The following FRAS1 variants were observed in gnomAD, a reference collection of about 807,000 sequenced individuals.
The protein encoded by FRAS1 is Fraser extracellular matrix complex subunit 1.
In FRAS1, 290 loss-of-function variants were observed where a neutral mutation model predicts 435.2. That is an observed-to-expected ratio of 0.67 (90% CI 0.61 to 0.73). The LOEUF is 0.73. Among genes scored for constraint, FRAS1 ranks in the 30% least tolerant of loss-of-function variants. The pLI is 0.00. For missense variants in FRAS1, 4,860 were observed against 5,001.5 expected (o/e 0.97, Z 0.85); for synonymous variants, 1,800 against 1,851.0 (o/e 0.97, Z 0.71).
At chr4:78,479,046 T>C (rs534745163) in intron 55 of FRAS1, among the ~76,000 whole-genome samples, 2 of 152,382 alleles carry the variant, frequency 1.3e-5, no homozygotes, top group East Asian at 3.9e-4. Flanking sequence ...ACTTTCCTAC[T>C]TAAAGTACCA....
intron 2 of FRAS1, among the ~76,000 whole-genome samples, chr4:78,125,246 AC>A (rs1252711371): frequency 6.6e-6 from 1 of 152,134 alleles, no homozygotes; most frequent in Non-Finnish European, 1.5e-5. Context: ...TTGGTTATTT[AC>A]CCAGTAGTCA....
At chr4:78,307,406 C>G (rs1728803299) in intron 14 of FRAS1, among the ~76,000 whole-genome samples, 1 of 152,356 alleles carries the variant, frequency 6.6e-6, no homozygotes, top group East Asian at 1.9e-4. Flanking sequence ...TTGGAGCTTC[C>G]TGGCTGCTTT....
chr4:78,120,948 A>G (rs1718981440), intron 2 of FRAS1, among the ~76,000 whole-genome samples: 1 of 152,196 alleles, frequency 6.6e-6, no homozygotes, highest in Non-Finnish European at 1.5e-5. Context: ...TGGGAAATTG[A>G]AATGTAGCTT....
intron 22 of FRAS1, among the ~76,000 whole-genome samples, chr4:78,367,294 A>T (rs1226739426): frequency 6.6e-6 from 1 of 152,018 alleles, no homozygotes; most frequent in Admixed American, 6.6e-5. Context: ...GGACCCAGCT[A>T]TATGGGAATC....
chr4:78,177,319 C>T (rs535288790), intron 2 of FRAS1, among the ~76,000 whole-genome samples: 2 of 152,222 alleles, frequency 1.3e-5, no homozygotes, highest in African/African-American at 4.8e-5. Context: ...AATGGTAGTA[C>T]ATAGGTATTC....
chr4:78,128,960 A>G (rs1263354477), intron 2 of FRAS1, among the ~76,000 whole-genome samples: 17 of 152,230 alleles, frequency 1.1e-4, no homozygotes, highest in Admixed American at 6.5e-4. Context: ...TCCAGTTTCA[A>G]CTTTCTCCAT....
At chr4:78,425,594 G>A (rs1419605072) in intron 35 of FRAS1, among the ~76,000 whole-genome samples, 1 of 152,106 alleles carries the variant, frequency 6.6e-6, no homozygotes, top group Non-Finnish European at 1.5e-5. Context: ...CTTCTATGAG[G>A]ATTAAAAATC....
rs750000203 is a variant in FRAS1 at position 78,445,640 on chromosome 4, T to C, written c.5784T>C (p.His1928=). The C allele has an allele frequency of 2.5e-6, 4 of 1,613,870 alleles. No individual in the cohort carries two copies. Among genetic ancestry groups the C allele is most frequent in the South Asian group, 2.2e-5 (2 of 91,054 alleles). ...TTCATGAAAGCATTGAGCCAACCCA[T>C]GATATTTTTAGTTTTTATGTGAGTG... ...QSVHESIEPT[H]DIFSFYVSDG... is the part of the protein sequence containing the mutation. Residue 1928 remains histidine (H), a synonymous_variant, in exon 42 of 74, where the codon CAT becomes CAC. Coordinates refer to ENST00000512123, the MANE Select transcript of FRAS1 (RefSeq NM_025074.7).
At chr4:78,193,221 G>T (rs984415609) in intron 2 of FRAS1, among the ~76,000 whole-genome samples, 14 of 152,160 alleles carry the variant, frequency 9.2e-5, no homozygotes, top group African/African-American at 3.1e-4. Context: ...AATAGGTGTG[G>T]TGTGGTGCTG....
intron 2 of FRAS1, among the ~76,000 whole-genome samples, chr4:78,127,738 A>T (rs977428726): frequency 1.3e-5 from 2 of 151,890 alleles, no homozygotes; most frequent in African/African-American, 4.8e-5. Context: ...TTTTTTATTT[A>T]TTTATTTTTT....
chr4:78,498,288 C>T (rs1000399525), intron 60 of FRAS1, among the ~76,000 whole-genome samples: 1 of 151,998 alleles, frequency 6.6e-6, no homozygotes, highest in Non-Finnish European at 1.5e-5. Flanking sequence ...GGCAGGATCA[C>T]CTAAGGTTGG....
At chr4:78,337,628 C>T in intron 19 of FRAS1, 46 bp from the exon 20 acceptor site, 1 of 1,590,014 alleles carries the variant, frequency 6.3e-7, no homozygotes, top group Non-Finnish European at 8.6e-7. Context: ...CACGCATATA[C>T]ATGCTGAGCT....
Position 78,436,730 on chromosome 4 carries a change from C to CT in FRAS1, c.5218-1833dup, listed in dbSNP as rs11397192. 8.3e-3 allele frequency among the ~76,000 whole-genome samples: 1,264 copies of CT among 151,882 alleles called. 4 individuals carry two copies. The highest frequency in any genetic ancestry group is 0.031 in the Middle Eastern group (9 of 292). ...AAAGAGTAAAGTCAACTTCATATTT[C>CT]TTTTTTTCATATTTCTAAGTTAAAA... On this transcript the variant is annotated intron_variant, in intron 38 of 73. Transcript: ENST00000512123.
intron 11 of FRAS1, 115 bp from the exon 12 acceptor site, chr4:78,282,705 T>C (rs563094975): frequency 1.1e-5 from 12 of 1,111,948 alleles, no homozygotes; most frequent in South Asian, 6.8e-5. Flanking sequence ...TTTGGCAGAG[T>C]ACTGATTAGC....
At chr4:78,193,800 T>C (rs1722665119) in intron 2 of FRAS1, among the ~76,000 whole-genome samples, 2 of 152,214 alleles carry the variant, frequency 1.3e-5, no homozygotes, top group African/African-American at 4.8e-5. Context: ...ATGTGTGAAT[T>C]TGATCCTGTC....
At chr4:78,342,252 T>A (rs1466101557) in intron 20 of FRAS1, among the ~76,000 whole-genome samples, 1 of 152,172 alleles carries the variant, frequency 6.6e-6, no homozygotes, top group Non-Finnish European at 1.5e-5. Flanking sequence ...GACCTCTTAA[T>A]TGTACTTAGC....
At chr4:78,087,738 AAGG>A (rs1355387175) in intron 2 of FRAS1, among the ~76,000 whole-genome samples, 2 of 152,184 alleles carry the variant, frequency 1.3e-5, no homozygotes, top group African/African-American at 4.8e-5. Flanking sequence ...GGACCTCTTC[AAGG>A]AGAACTACAA....
At chr4:78,308,915 C>A (rs1728903437) in intron 15 of FRAS1, among the ~76,000 whole-genome samples, 1 of 152,220 alleles carries the variant, frequency 6.6e-6, no homozygotes, top group Non-Finnish European at 1.5e-5. Flanking sequence ...TTGTCCTAAT[C>A]CGTGGAACTG....
At chr4:78,212,630 A>T (rs1211674137) in intron 2 of FRAS1, among the ~76,000 whole-genome samples, 1 of 152,198 alleles carries the variant, frequency 6.6e-6, no homozygotes. Flanking sequence ...CATACCTTTT[A>T]CTATACCACA....
Sources: allele counts gnomAD v4.1 joint callset (sites outside exome capture counted in the v4.1 genomes callset), GRCh38; gene constraint gnomAD v4.1.1; transcripts MANE v1.5; gene names NCBI Gene and HGNC (gene_info 2026-07-23, HGNC 2026-07-21).